The following GRID2 variants were observed in gnomAD, a reference collection of about 807,000 sequenced individuals.
The protein encoded by GRID2 is glutamate receptor ionotropic, delta-2.
GRID2 carries 33 observed loss-of-function variants against 114.8 expected under a neutral mutation model. The observed-to-expected ratio is 0.29, with a 90% CI of 0.22 to 0.38. The LOEUF (loss-of-function observed/expected upper bound fraction) is 0.38. GRID2 is among the 10% of genes least tolerant of loss of function. GRID2 has a pLI of 1.00. For synonymous variants in GRID2, 505 were observed against 449.9 expected (o/e 1.12, Z -1.55); for missense variants, 1,184 against 1,257.7 (o/e 0.94, Z 0.89).
At chr4:92,647,068 G>T (rs1319676433) in intron 2 of GRID2, among the ~76,000 whole-genome samples, 1 of 152,192 alleles carries the variant, frequency 6.6e-6, no homozygotes, top group Non-Finnish European at 1.5e-5. Flanking sequence ...GGTTAGAGTG[G>T]GACTGAGAGG....
At chr4:93,253,191 G>C (rs1367071278) in intron 8 of GRID2, among the ~76,000 whole-genome samples, 1 of 151,988 alleles carries the variant, frequency 6.6e-6, no homozygotes, top group East Asian at 1.9e-4. Context: ...GGGAGGTGGA[G>C]CTTGCAGTGA....
intron 10 of GRID2, among the ~76,000 whole-genome samples, chr4:93,438,428 G>A (rs1261721185): frequency 2.6e-5 from 4 of 152,054 alleles, no homozygotes; most frequent in Non-Finnish European, 5.9e-5. Flanking sequence ...TGTTTGCCTT[G>A]ATAAATAGTT....
chr4:92,760,541 G>T (rs1737957986), intron 2 of GRID2, among the ~76,000 whole-genome samples: 1 of 152,020 alleles, frequency 6.6e-6, no homozygotes, highest in Non-Finnish European at 1.5e-5. Flanking sequence ...GTTGCTTCAG[G>T]GTTGCCCAAG....
intron 2 of GRID2, among the ~76,000 whole-genome samples, chr4:93,062,285 ATTATT>A (rs1727874676): frequency 6.6e-6 from 1 of 152,086 alleles, no homozygotes; most frequent in East Asian, 1.9e-4. Flanking sequence ...AATTTCAGTT[ATTATT>A]TTCTTTTCAC....
chr4:93,459,007 C>A (rs949692657), intron 11 of GRID2, among the ~76,000 whole-genome samples: 13 of 151,630 alleles, frequency 8.6e-5, no homozygotes, highest in Non-Finnish European at 4.4e-5. Context: ...TGGTGAAACA[C>A]CATCTCTGCT....
intron 2 of GRID2, among the ~76,000 whole-genome samples, chr4:92,690,350 A>G (rs539558541): frequency 1.3e-5 from 2 of 152,278 alleles, no homozygotes; most frequent in African/African-American, 4.8e-5. Flanking sequence ...ACAGTTGGTA[A>G]GTGGAGCTGT....
At chr4:92,625,588 C>A (rs993551915) in intron 2 of GRID2, among the ~76,000 whole-genome samples, 8 of 151,792 alleles carry the variant, frequency 5.3e-5, no homozygotes, top group Non-Finnish European at 1.2e-4. Context: ...AAAACCCAAC[C>A]AATCACTTAT....
intron 2 of GRID2, among the ~76,000 whole-genome samples, chr4:92,790,671 G>A (rs1235794884): frequency 1.3e-5 from 2 of 148,526 alleles, no homozygotes; most frequent in Non-Finnish European, 3.0e-5. Flanking sequence ...TCCCAACTCA[G>A]CCTCTCAAAA....
chr4:92,590,670 G>A (rs12498459), intron 2 of GRID2, among the ~76,000 whole-genome samples: 41,235 of 151,894 alleles, frequency 0.27, 5,708 homozygotes, highest in Middle Eastern at 0.36. Context: ...GACATATCAG[G>A]TGAACTCATG....
chr4:92,602,543 G>A (rs1729266319), intron 2 of GRID2, among the ~76,000 whole-genome samples: 1 of 152,112 alleles, frequency 6.6e-6, no homozygotes, highest in Non-Finnish European at 1.5e-5. Flanking sequence ...AGATATCAAT[G>A]GAACATACCT....
At chr4:93,432,884 A>G (rs1769554190) in intron 10 of GRID2, among the ~76,000 whole-genome samples, 1 of 152,072 alleles carries the variant, frequency 6.6e-6, no homozygotes, top group Non-Finnish European at 1.5e-5. Flanking sequence ...CAACATAGAG[A>G]GACCTCCACC....
At chr4:93,665,733 C>T (rs531542250) in intron 14 of GRID2, among the ~76,000 whole-genome samples, 5 of 152,084 alleles carry the variant, frequency 3.3e-5, no homozygotes, top group South Asian at 2.1e-4. Flanking sequence ...CTTAAATTTC[C>T]GGCTTCATTT....
At chr4:93,738,103 C>G (rs1271172288) in intron 14 of GRID2, among the ~76,000 whole-genome samples, 1 of 151,852 alleles carries the variant, frequency 6.6e-6, no homozygotes, top group Non-Finnish European at 1.5e-5. Context: ...TAAATATTAG[C>G]CAGGTAAAGA....
At chr4:92,918,070 C>T (rs986068505) in intron 2 of GRID2, among the ~76,000 whole-genome samples, 3 of 152,020 alleles carry the variant, frequency 2.0e-5, no homozygotes, top group African/African-American at 7.2e-5. Context: ...CCTTCACATC[C>T]CTTGTAAGTT....
intron 14 of GRID2, among the ~76,000 whole-genome samples, chr4:93,657,415 A>T (rs534011866): frequency 6.6e-6 from 1 of 152,320 alleles, no homozygotes; most frequent in African/African-American, 2.4e-5. Context: ...AGCTTCGGAG[A>T]TACAGAGGAG....
chr4:92,344,491 C>T (rs999521915), intron 1 of GRID2, among the ~76,000 whole-genome samples: 1 of 152,134 alleles, frequency 6.6e-6, no homozygotes, highest in African/African-American at 2.4e-5. Flanking sequence ...TTTTTCCTTA[C>T]AAACTTAGTG....
At chr4:93,236,013 A>T (rs1746747435) in intron 7 of GRID2, among the ~76,000 whole-genome samples, 1 of 152,084 alleles carries the variant, frequency 6.6e-6, no homozygotes, top group Non-Finnish European at 1.5e-5. Flanking sequence ...AGATTCTGAT[A>T]TAATTAGAAG....
chr4:92,815,088 A>T, intron 2 of GRID2, among the ~76,000 whole-genome samples: 1 of 152,324 alleles, frequency 6.6e-6, no homozygotes, highest in Admixed American at 6.5e-5. Context: ...TGAACAAATC[A>T]GAATTTCTTA....
chr4:93,136,962 C>G (rs895390513), intron 4 of GRID2, among the ~76,000 whole-genome samples: 3 of 152,134 alleles, frequency 2.0e-5, no homozygotes, highest in African/African-American at 7.2e-5. Flanking sequence ...AATGTGGCCT[C>G]TTCTATTGCA....
Sources: gnomAD v4.1 joint callset for allele counts (sites outside exome capture counted in the v4.1 genomes callset) on GRCh38, gnomAD v4.1.1 for gene constraint, MANE v1.5 for transcripts, NCBI Gene and HGNC (gene_info 2026-07-23, HGNC 2026-07-21) for gene names.